Variants in RASGRP1 observed in about 807,000 individuals in gnomAD.
The protein encoded by RASGRP1 is RAS guanyl releasing protein 1, also known as RAS guanyl-releasing protein 1.
In RASGRP1, 37 loss-of-function variants were observed where a neutral mutation model predicts 95.1. The observed-to-expected ratio is 0.39, with a 90% CI of 0.30 to 0.51. The LOEUF is 0.51. Among genes scored for constraint, RASGRP1 ranks in the 20% least tolerant of loss-of-function variants. RASGRP1 has a pLI of 0.80. For synonymous variants in RASGRP1, 325 were observed against 353.4 expected (o/e 0.92, Z 0.90); for missense variants, 711 against 965.4 (o/e 0.74, Z 3.49).
chr15:38,496,877 A>T (rs1272265859), intron 15 of RASGRP1, among the ~76,000 whole-genome samples: 7 of 152,244 alleles, frequency 4.6e-5, no homozygotes, highest in Non-Finnish European at 1.0e-4. Flanking sequence ...TTACCACTGA[A>T]CATTAGAAGT....
intron 12 of RASGRP1, 140 bp from the exon 13 acceptor site, chr15:38,501,427 C>A (rs1460564840): frequency 1.0e-6 from 1 of 958,872 alleles, no homozygotes; most frequent in Non-Finnish European, 1.6e-6. Context: ...ATGATTACTT[C>A]CATGGGCCCT....
intron 3 of RASGRP1, among the ~76,000 whole-genome samples, chr15:38,522,561 A>C (rs1892042851): frequency 6.6e-6 from 1 of 152,236 alleles, no homozygotes; most frequent in Non-Finnish European, 1.5e-5. Flanking sequence ...TAGATTGTCA[A>C]TCAATAATAC....
intron 1 of RASGRP1, among the ~76,000 whole-genome samples, chr15:38,561,952 C>G (rs893110541): frequency 1.3e-5 from 2 of 152,160 alleles, no homozygotes; most frequent in Admixed American, 1.3e-4. Flanking sequence ...GGGGACTGAC[C>G]CTGTCTTGAG....
intron 9 of RASGRP1, among the ~76,000 whole-genome samples, chr15:38,506,441 C>T (rs1183475285): frequency 6.6e-6 from 1 of 152,066 alleles, no homozygotes; most frequent in Non-Finnish European, 1.5e-5. Context: ...TTGAGACCAG[C>T]CTGGGCAACA....
At chr15:38,546,037 A>T (rs1421601536) in intron 2 of RASGRP1, among the ~76,000 whole-genome samples, 2 of 152,164 alleles carry the variant, frequency 1.3e-5, no homozygotes, top group African/African-American at 4.8e-5. Context: ...TGGCATAGCC[A>T]TTATAACCAT....
intron 2 of RASGRP1, among the ~76,000 whole-genome samples, chr15:38,558,034 G>T (rs934901329): frequency 6.6e-6 from 1 of 152,134 alleles, no homozygotes; most frequent in Non-Finnish European, 1.5e-5. Flanking sequence ...AACAGGTATG[G>T]AAGGAAGGAA....
At chr15:38,490,895 T>C (rs1330643240) in intron 16 of RASGRP1, among the ~76,000 whole-genome samples, 1 of 152,186 alleles carries the variant, frequency 6.6e-6, no homozygotes, top group African/African-American at 2.4e-5. Context: ...GTCTTTGTTA[T>C]CATATCAAAG....
chr15:38,558,817 T>G (rs1381709903), intron 2 of RASGRP1, among the ~76,000 whole-genome samples: 1 of 152,242 alleles, frequency 6.6e-6, no homozygotes, highest in Non-Finnish European at 1.5e-5. Context: ...ACATAAGGTC[T>G]GAGCAAGCAC....
At chr15:38,517,332 T>C (rs575631431) in intron 5 of RASGRP1, among the ~76,000 whole-genome samples, 27 of 152,334 alleles carry the variant, frequency 1.8e-4, no homozygotes, top group African/African-American at 6.3e-4. Context: ...GGGTTGAGAA[T>C]TGCCCTGGGC....
At chr15:38,564,520 G>A (rs1893952473) in intron 1 of RASGRP1, 74 bp downstream of exon 1, 2 of 1,267,492 alleles carry the variant, frequency 1.6e-6, no homozygotes, top group Admixed American at 3.9e-5. Context: ...TCGGGGTGTT[G>A]GGGCGACGGG....
intron 6 of RASGRP1, among the ~76,000 whole-genome samples, chr15:38,514,150 C>T (rs1481709373): frequency 1.3e-5 from 2 of 152,046 alleles, no homozygotes; most frequent in African/African-American, 4.8e-5. Flanking sequence ...TACAGTACAC[C>T]TTAGTTCTGC....
At position 38,490,261 on chromosome 15, in the gene RASGRP1, C is replaced by T; in HGVS notation, c.*293G>A. ...TCAGCCAGGCAGGCCACCGAGATGC[C>T]CCATTGTCAGGAAATGATAGTCATG... On this transcript the variant is annotated 3_prime_UTR_variant, in exon 17 of 17. Transcript: ENST00000310803. 1 of 238,606 alleles carries T rather than the reference C, an allele frequency of 4.2e-6. No homozygotes were observed. Among genetic ancestry groups the T allele is most frequent in the Admixed American group, 5.6e-5 (1 of 17,842 alleles). The allele number at this position is 238,606 out of a possible 1,614,324, so 14.8% of individuals were successfully genotyped here.
intron 2 of RASGRP1, among the ~76,000 whole-genome samples, chr15:38,539,989 T>C (rs1309287211): frequency 6.6e-6 from 1 of 152,184 alleles, no homozygotes; most frequent in Non-Finnish European, 1.5e-5. Flanking sequence ...TAATCATGGC[T>C]CACTGCACAC....
At chr15:38,526,580 T>C (rs753549177) in intron 2 of RASGRP1, among the ~76,000 whole-genome samples, 176 bp from the exon 3 acceptor site, 2 of 152,160 alleles carry the variant, frequency 1.3e-5, no homozygotes, top group Non-Finnish European at 2.9e-5. Flanking sequence ...ATTCTTCCCT[T>C]GCAGAATGTC....
At position 38,488,564 on chromosome 15, in the gene RASGRP1, G is replaced by A. The variant is rs1890445250; in HGVS notation, c.*1990C>T. 6.6e-6 allele frequency: 1 copy of A among 151,886 alleles called. No homozygotes were observed. Among genetic ancestry groups the A allele is most frequent in the Non-Finnish European group, 1.5e-5 (1 of 67,866 alleles). The allele number at this position is 151,886 out of a possible 1,614,324, so 9.4% of individuals were successfully genotyped here. ...GATAAATTCTGCAGTACTTGATACT[G>A]TTTAGCCATTGCTAATTTGACTAAT... On this transcript the variant is annotated 3_prime_UTR_variant, in exon 17 of 17. Coordinates refer to ENST00000310803, the MANE Select transcript of RASGRP1 (RefSeq NM_005739.4).
intron 8 of RASGRP1, among the ~76,000 whole-genome samples, chr15:38,510,138 C>A (rs1445765645): frequency 6.6e-6 from 1 of 152,218 alleles, no homozygotes; most frequent in African/African-American, 2.4e-5. Flanking sequence ...CCTGGACTTA[C>A]TAATTCACTA....
Position 38,498,805 on chromosome 15 carries a change from T to C in RASGRP1, c.1862A>G (p.Asp621Gly). 1 of 1,613,552 alleles carries C rather than the reference T, an allele frequency of 6.2e-7. No individual in the cohort carries two copies. The highest frequency in any genetic ancestry group is 1.1e-5 in the South Asian group (1 of 91,034). ...CAGTGCCTACTTACCATGGAGCAGA[T>C]CTTTGGCTCCCAATGAGCAAAGGTT... The part of the protein sequence containing the change: ...VSNLCSLGAK[D>G]LLHAPEEGPF... The change falls in exon 15 of 17, where the codon GAT (aspartate) becomes GGT (glycine). Residue 621 changes from aspartate (D) to glycine (G), a missense_variant. Asp to Gly is a moderately conservative substitution (Grantham distance 94). Transcript: ENST00000310803.
chr15:38,538,804 A>G (rs943680461), intron 2 of RASGRP1, among the ~76,000 whole-genome samples: 2 of 152,160 alleles, frequency 1.3e-5, no homozygotes, highest in Admixed American at 1.3e-4. Context: ...GGCACTCAAG[A>G]TAAGAAAAAA....
At chr15:38,529,182 C>G (rs542567773) in intron 2 of RASGRP1, among the ~76,000 whole-genome samples, 1 of 152,182 alleles carries the variant, frequency 6.6e-6, no homozygotes, top group African/African-American at 2.4e-5. Context: ...CTCTTGTCCA[C>G]CTACAATCTA....
Sources: allele counts gnomAD v4.1 joint callset (sites outside exome capture counted in the v4.1 genomes callset), GRCh38; gene constraint gnomAD v4.1.1; transcripts MANE v1.5; gene names NCBI Gene and HGNC (gene_info 2026-07-23, HGNC 2026-07-21).